PLCD3: variants seen among roughly 807,000 people sequenced by gnomAD.
PLCD3 encodes 1-phosphatidylinositol 4,5-bisphosphate phosphodiesterase delta-3.
In PLCD3, 62 loss-of-function variants were observed where a neutral mutation model predicts 82.8. The observed-to-expected ratio is 0.75, with a 90% confidence interval of 0.61 to 0.93. The LOEUF is 0.93. PLCD3 is among the 40% of genes least tolerant of loss of function. The pLI is 0.00. For missense variants in PLCD3, 1,023 were observed against 1,103.4 expected, an observed-to-expected ratio of 0.93 and a Z score of 1.03; for synonymous variants, 478 against 471.8, an observed-to-expected ratio of 1.01 and a Z score of -0.17.
intron 1 of PLCD3, among the ~76,000 whole-genome samples, chr17:45,128,759 G>T (rs975816462): frequency 6.6e-6 from 1 of 152,240 alleles, no homozygotes; most frequent in African/African-American, 2.4e-5. Context: ...TTCAGATAAA[G>T]AATAATTTTT....
chr17:45,119,159 A>C, intron 4 of PLCD3, 116 bp from the exon 5 acceptor site: 1 of 747,866 alleles, frequency 1.3e-6, no homozygotes, highest in Non-Finnish European at 2.1e-6. Flanking sequence ...TCACAGGTGG[A>C]AAAACAGAGT....
At chr17:45,116,952 T>C (rs1348354038) in intron 7 of PLCD3, among the ~76,000 whole-genome samples, 168 bp from the exon 8 acceptor site, 1 of 152,162 alleles carries the variant, frequency 6.6e-6, no homozygotes, top group African/African-American at 2.4e-5. Context: ...GGAATTATTT[T>C]TTTTTTCTTT....
intron 1 of PLCD3, among the ~76,000 whole-genome samples, chr17:45,124,516 C>T (rs1261631480): frequency 6.6e-6 from 1 of 152,218 alleles, no homozygotes; most frequent in Non-Finnish European, 1.5e-5. Context: ...GTCCCCACTG[C>T]TCGTGCTTCT....
chr17:45,113,082 G>A, intron 13 of PLCD3, 40 bp downstream of exon 13: 1 of 1,611,420 alleles, frequency 6.2e-7, no homozygotes, highest in South Asian at 1.1e-5. Context: ...TTCGCTCTCT[G>A]CAGTCTCCCC....
chr17:45,119,133 G>A, intron 4 of PLCD3, 90 bp from the exon 5 acceptor site: 1 of 966,222 alleles, frequency 1.0e-6, no homozygotes, highest in East Asian at 2.6e-5. Context: ...CATCTGAGAA[G>A]GCAATGGTCC....
chr17:45,123,995 C>A (rs1192811852), intron 1 of PLCD3, among the ~76,000 whole-genome samples: 1 of 137,430 alleles, frequency 7.3e-6, no homozygotes, highest in African/African-American at 2.8e-5. Context: ...TCTAAATGGT[C>A]CCATCCTGAG....
intron 1 of PLCD3, among the ~76,000 whole-genome samples, chr17:45,129,989 G>A (rs1204715925): frequency 6.6e-6 from 1 of 152,198 alleles, no homozygotes; most frequent in Non-Finnish European, 1.5e-5. Flanking sequence ...AGCGAGGCGG[G>A]GGAGGCTACC....
At position 45,114,325 on chromosome 17, in the gene PLCD3, C is replaced by T. The variant is rs898121956; in HGVS notation, c.1753G>A (p.Val585Met). The T allele has an allele frequency of 1.2e-5, 18 of 1,549,414 alleles. No individual in the cohort carries two copies. Among genetic ancestry groups the T allele is most frequent in the Admixed American group, 2.0e-5 (1 of 50,590 alleles). The stretch of plus-strand genomic sequence containing the variant: ...TTCATCCGCAGCCCCAGCGGGTACA[C>T]GCGGGTCAGCTGGCGGGCATTGTGC... ...VRHNARQLTR[V>M]YPLGLRMNSA... Residue 585 changes from valine (V) to methionine (M), a missense_variant, in exon 11 of 15, where the codon GTG (valine) becomes ATG (methionine). By Grantham distance (21) the Val-to-Met change is conservative. Around this residue, in one of 3 missense-constraint regions of PLCD3, gnomAD observed 553 missense variants for 655.7 expected, o/e 0.84. Coordinates refer to ENST00000619929, the MANE Select transcript of PLCD3 (RefSeq NM_133373.5).
In PLCD3 at chr17:45,121,313, G is replaced by C; in HGVS notation, c.223C>G (p.Arg75Gly). Reference protein sequence around the residue: ...MLRGSRLRKIRSRTWHKERLY... With the variant: ...MLRGSRLRKIGSRTWHKERLY... Reference sequence around the variant, plus strand: ...CGCTCCTTGTGCCACGTGCGCGAGCGGATCTTGCGGAGCCGGGAGCCCCGC... The same window carrying C: ...CGCTCCTTGTGCCACGTGCGCGAGCCGATCTTGCGGAGCCGGGAGCCCCGC... The change falls in exon 2 of 15, where the codon CGC (arginine) becomes GGC (glycine). Residue 75 changes from arginine to glycine, a missense_variant. Transcript: ENST00000619929. 2 of 1,566,854 alleles carry C rather than the reference G, an allele frequency of 1.3e-6. No homozygotes were observed. Among genetic ancestry groups the C allele is most frequent in the Non-Finnish European group, 8.6e-7 (1 of 1,165,192 alleles).
intron 8 of PLCD3, among the ~76,000 whole-genome samples, chr17:45,116,414 GGTGT>G (rs10555766): frequency 6.6e-6 from 1 of 151,766 alleles, no homozygotes; most frequent in African/African-American, 2.4e-5. Context: ...TACAGAAGAG[GGTGT>G]GTGTGTGGGG....
rs769603232 is a variant in PLCD3 at position 45,118,170 on chromosome 17, G to A, written c.1116-32C>T. Reference sequence around the variant, plus strand: ...GTGGACAGATGGGTGGACGGGCAAGGTGTTGCCAGAGTGCCACAGAGCAGG... The same window carrying A: ...GTGGACAGATGGGTGGACGGGCAAGATGTTGCCAGAGTGCCACAGAGCAGG... On this transcript the variant is annotated intron_variant, in intron 6 of 14. Coordinates refer to ENST00000619929, the MANE Select transcript of PLCD3 (RefSeq NM_133373.5). This position sits in a 1 kb window ranked among gnomAD's most constrained non-coding sequence, Gnocchi z 4.1. 1.7e-5 allele frequency: 27 copies of A among 1,613,630 alleles called. No individual in the cohort carries two copies. Among genetic ancestry groups the A allele is most frequent in the Middle Eastern group, 3.3e-4 (2 of 6,080 alleles).
intron 1 of PLCD3, among the ~76,000 whole-genome samples, chr17:45,130,776 G>A (rs1022221952): frequency 6.6e-6 from 1 of 151,746 alleles, no homozygotes; most frequent in African/African-American, 2.4e-5. Context: ...GGCTCCTGAT[G>A]CCCTCCAGAT....
At position 45,115,063 on chromosome 17, in the gene PLCD3, G is replaced by A. The variant is rs374378544; in HGVS notation, c.1711+31C>T. On this transcript the variant is annotated intron_variant, in intron 10 of 14. Coordinates refer to ENST00000619929, the MANE Select transcript of PLCD3 (RefSeq NM_133373.5). ...CCTTCAGGAGGTCTCTCACCCTCTC[G>A]CCCCCAGACACCCAGTGCCCCAGCT... 17 of 1,572,246 alleles carry A rather than the reference G, an allele frequency of 1.1e-5. No individual in the cohort carries two copies. The African/African-American group carries it at 1.8e-4, about 16-fold the overall frequency.
At chr17:45,114,541 C>A in intron 10 of PLCD3, 175 bp from the exon 11 acceptor site, 1 of 536,704 alleles carries the variant, frequency 1.9e-6, no homozygotes, top group Non-Finnish European at 3.2e-6. Context: ...GCTGCAGGGA[C>A]CCCCTCCAGC....
At chr17:45,128,759 G>C (rs975816462) in intron 1 of PLCD3, among the ~76,000 whole-genome samples, 5 of 152,240 alleles carry the variant, frequency 3.3e-5, no homozygotes, top group Non-Finnish European at 7.3e-5. Context: ...TTCAGATAAA[G>C]AATAATTTTT....
intron 1 of PLCD3, among the ~76,000 whole-genome samples, chr17:45,130,896 C>T (rs1190713964): frequency 6.6e-6 from 1 of 151,922 alleles, no homozygotes; most frequent in Non-Finnish European, 1.5e-5. Context: ...CCTGCTGGCT[C>T]CCCAGCCCCT....
chr17:45,126,347 A>ATTTT (rs398030937), intron 1 of PLCD3, among the ~76,000 whole-genome samples: 5,125 of 78,976 alleles, frequency 0.065, 684 homozygotes, highest in African/African-American at 0.12. Context: ...CGCCCAGCCT[A>ATTTT]TTTTTTTTTT....
intron 14 of PLCD3, 60 bp from the exon 15 acceptor site, chr17:45,112,764 C>G: frequency 1.9e-6 from 3 of 1,589,058 alleles, no homozygotes; most frequent in South Asian, 1.1e-5. Flanking sequence ...TGGCCCAGCC[C>G]GGGCCTGCTT....
intron 1 of PLCD3, among the ~76,000 whole-genome samples, chr17:45,128,451 C>T (rs986227781): frequency 6.6e-6 from 1 of 152,232 alleles, no homozygotes; most frequent in Non-Finnish European, 1.5e-5. Flanking sequence ...CCACCCAGGC[C>T]AGGCACCTGC....
Sources: allele counts gnomAD v4.1 joint callset (sites outside exome capture counted in the v4.1 genomes callset), GRCh38; gene constraint gnomAD v4.1.1; regional missense constraint gnomAD v4.1.1; non-coding constraint Gnocchi (gnomAD v3.1); transcripts MANE v1.5; gene names NCBI Gene and HGNC (gene_info 2026-07-23, HGNC 2026-07-21).